The following SP110 variants were observed in gnomAD, a reference collection of about 807,000 sequenced individuals.
SP110 encodes interferon-induced protein 41, 30kD.
Under a neutral mutation model 92.7 loss-of-function variants are expected in SP110, and 62 were observed. The ratio of observed to expected loss-of-function variants is 0.67; its 90% confidence interval spans 0.55 to 0.83. SP110 has a LOEUF of 0.83. SP110 is among the 40% of genes least tolerant of loss of function. SP110 has a pLI of 0.00. For missense variants in SP110, 793 were observed against 863.9 expected (o/e 0.92, Z 1.03); for synonymous variants, 273 against 305.3 (o/e 0.89, Z 1.10).
At chr2:230,203,057 T>A (rs1318498052) in intron 8 of SP110, 1 of 378,708 alleles carries the variant, frequency 2.6e-6, no homozygotes, top group Non-Finnish European at 5.0e-6. Context: ...CAGTCTCGTC[T>A]AGGTGGAGAG....
chr2:230,215,802 A>C (rs542785593), intron 2 of SP110, among the ~76,000 whole-genome samples: 1 of 152,378 alleles, frequency 6.6e-6, no homozygotes, highest in African/African-American at 2.4e-5. Context: ...ATGAGCATTA[A>C]TAAACACAAA....
At position 230,208,073 on chromosome 2, in the gene SP110, A is replaced by T. The variant is rs745989869; in HGVS notation, c.830-14T>A. 3.7e-6 allele frequency: 5 copies of T among 1,355,448 alleles called. No individual in the cohort carries two copies. The highest frequency in any genetic ancestry group is 2.3e-5 in the East Asian group (1 of 43,678). The allele number at this position is 1,355,448 out of a possible 1,614,324, so 84.0% of individuals were successfully genotyped here. A position where few individuals can be genotyped will look rare whatever the true frequency, so the allele number is the denominator to read the frequency against. ...TTCTTTTCTTTCCTAAAAAGAAAGGATAATGTTTTATAGTTACAAACATTG... is the reference window on the plus strand; with the variant it reads ...TTCTTTTCTTTCCTAAAAAGAAAGGTTAATGTTTTATAGTTACAAACATTG... On this transcript the variant is annotated splice_polypyrimidine_tract_variant and intron_variant, in intron 7 of 18. Transcript: ENST00000258381.
In SP110 at chr2:230,177,523, C is replaced by A. The variant is rs769738792; in HGVS notation, c.1590+15G>T. On this transcript the variant is annotated intron_variant, in intron 14 of 18. Coordinates refer to ENST00000258381, the MANE Select transcript of SP110 (RefSeq NM_080424.4). ...GATTTAAACCTGTCACCTATCTGTC[C>A]CGTCATTATAATACCTTCAGCAGCT... 6.2e-7 allele frequency: 1 copy of A among 1,613,556 alleles called. No individual in the cohort carries two copies. The highest frequency in any genetic ancestry group is 8.5e-7 in the Non-Finnish European group (1 of 1,179,500).
chr2:230,166,203 T>C lies in SP110; in HGVS notation c.*2921A>G, dbSNP rs375691666. Reference sequence around the variant, plus strand: ...CACTGCGCCTGGCAGACCACCTATATTACTTTTAACCACAAATGAAATAGA... The same window carrying C: ...CACTGCGCCTGGCAGACCACCTATACTACTTTTAACCACAAATGAAATAGA... On this transcript the variant is annotated 3_prime_UTR_variant, in exon 19 of 19. Coordinates refer to ENST00000258381, the MANE Select transcript of SP110 (RefSeq NM_080424.4). 1.2e-3 allele frequency among the ~76,000 whole-genome samples: 188 copies of C among 152,294 alleles called. 1 individual carries two copies. The highest frequency in any genetic ancestry group is 4.2e-3 in the African/African-American group (174 of 41,552).
Position 230,172,075 on chromosome 2 carries a change from C to T in SP110, c.1806G>A (p.Gln602=), listed in dbSNP as rs2078458744. Residue 602 remains glutamine (Q), a synonymous_variant, in exon 16 of 19, where the codon CAG becomes CAA. Coordinates refer to ENST00000258381, the MANE Select transcript of SP110 (RefSeq NM_080424.4). Reference sequence around the variant, plus strand: ...TTTGCATCCAACTCACCAGCTGGTCCTGAGGCTGCATCTGCCTCTCCAGGG... The same window carrying T: ...TTTGCATCCAACTCACCAGCTGGTCTTGAGGCTGCATCTGCCTCTCCAGGG... ...SKTLERQMQP[Q]DQLKCEFLLL... is the part of the protein sequence containing the mutation. 1 of 1,598,710 alleles carries T rather than the reference C, an allele frequency of 6.3e-7. No individual in the cohort carries two copies. The highest frequency in any genetic ancestry group is 1.3e-5 in the African/African-American group (1 of 74,670).
chr2:230,215,138 G>A lies in SP110; in HGVS notation c.148-20C>T, dbSNP rs1255943497. On this transcript the variant is annotated intron_variant, in intron 2 of 18. Coordinates refer to ENST00000258381, the MANE Select transcript of SP110 (RefSeq NM_080424.4). ...AGATTCCTATAAAAATGGAGTGAAGGTTTTTATAAATGACTATAAAATTGA... is the reference window on the plus strand; with the variant it reads ...AGATTCCTATAAAAATGGAGTGAAGATTTTTATAAATGACTATAAAATTGA... The A allele has an allele frequency of 1.9e-6, 3 of 1,600,850 alleles. No individual in the cohort carries two copies. Among genetic ancestry groups the A allele is most frequent in the Admixed American group, 1.7e-5 (1 of 59,912 alleles).
At chr2:230,223,633 T>C (rs1040442875), upstream of SP110, among the ~76,000 whole-genome samples, 4 of 152,210 alleles carry the variant, frequency 2.6e-5, no homozygotes, top group African/African-American at 9.6e-5. Context: ...CAATCTGGGA[T>C]TGGTTATCTG....
At chr2:230,208,570 C>A (rs933834820) in intron 7 of SP110, among the ~76,000 whole-genome samples, 3 of 152,186 alleles carry the variant, frequency 2.0e-5, no homozygotes, top group Non-Finnish European at 4.4e-5. Flanking sequence ...CATCTGATAT[C>A]TCCTTATGGT....
intron 10 of SP110, 136 bp from the exon 11 acceptor site, chr2:230,186,279 A>T (rs2042355356): frequency 3.8e-6 from 3 of 797,442 alleles, no homozygotes; most frequent in Non-Finnish European, 6.0e-6. Context: ...CCCCAGACTC[A>T]TAATACTTCC....
intron 2 of SP110, 82 bp downstream of exon 2, chr2:230,216,699 T>G: frequency 3.2e-6 from 5 of 1,550,390 alleles, no homozygotes; most frequent in Non-Finnish European, 4.4e-6. Flanking sequence ...CTGGAAGCCC[T>G]GGTGGTTTGT....
In SP110 at chr2:230,211,477, A is replaced by G; in HGVS notation, c.744T>C (p.Ser248=). The change falls in exon 6 of 19, where the codon TCT becomes TCC. Residue 248 remains serine, a synonymous_variant. Coordinates refer to ENST00000258381, the MANE Select transcript of SP110 (RefSeq NM_080424.4). The surrounding 1 kb of genome is among the most constrained non-coding windows in gnomAD (Gnocchi z 4.2). ...TGACCAAACCAAGATTACCTGGCAT[A>G]GAGCCCAAGGGAGAGTGGGGCATCT... ...PQEMPHSPLG[S]MPEIRDNSPE... is the part of the protein sequence containing the mutation. The G allele has an allele frequency of 6.3e-7, 1 of 1,599,038 alleles. No individual in the cohort carries two copies.
intron 1 of SP110, 44 bp downstream of exon 1, chr2:230,219,830 A>G (rs926244579): frequency 2.6e-6 from 2 of 783,616 alleles, no homozygotes; most frequent in African/African-American, 1.9e-5. Context: ...TAAGAGCTGC[A>G]GTCACCAAGA....
chr2:230,170,372 C>A (rs2078403264), intron 18 of SP110, among the ~76,000 whole-genome samples: 1 of 151,826 alleles, frequency 6.6e-6, no homozygotes, highest in African/African-American at 2.4e-5. Context: ...AGCGAGCTGC[C>A]GATCTGGGAA....
At position 230,216,866 on chromosome 2, in the gene SP110, A is replaced by C; in HGVS notation, c.62T>G (p.Leu21Arg). ...CTTGTGTATGGCATAGGCGATCCCC[A>C]GCTTCTGGTGCATGAAGTGCTGAAA... is the stretch of plus-strand genomic sequence containing the variant. The part of the protein sequence containing the change: ...ALFQHFMHQK[L>R]GIAYAIHKPF... Residue 21 changes from leucine (L) to arginine (R), a missense_variant, in exon 2 of 19, where the codon CTG (leucine) becomes CGG (arginine). Physicochemically the swap from Leu to Arg is moderately radical, Grantham distance 102 (BLOSUM62 -2). Transcript: ENST00000258381. 6.2e-7 allele frequency: 1 copy of C among 1,614,096 alleles called. No homozygotes were observed. Among genetic ancestry groups the C allele is most frequent in the Non-Finnish European group, 8.5e-7 (1 of 1,179,980 alleles).
intron 1 of SP110, chr2:230,225,529 C>A (rs1303250361): frequency 2.3e-6 from 1 of 428,208 alleles, no homozygotes; most frequent in Non-Finnish European, 4.4e-6. Flanking sequence ...CATGATGCCA[C>A]CTTACCTCAA....
At chr2:230,169,992 G>A (rs1332834409) in intron 18 of SP110, among the ~76,000 whole-genome samples, 1 of 152,136 alleles carries the variant, frequency 6.6e-6, no homozygotes, top group Non-Finnish European at 1.5e-5. Context: ...AAGAAGGGAA[G>A]GAAGCTGGGT....
chr2:230,216,999 A>ACT, intron 1 of SP110, 71 bp from the exon 2 acceptor site: 1 of 1,389,896 alleles, frequency 7.2e-7, no homozygotes, highest in South Asian at 1.2e-5. Flanking sequence ...TAATCCCGGC[A>ACT]CTTTGGGAGG....
upstream of SP110, among the ~76,000 whole-genome samples, chr2:230,220,447 G>A (rs2045715122): frequency 6.6e-6 from 1 of 152,178 alleles, no homozygotes; most frequent in African/African-American, 2.4e-5. Context: ...GAAATGCCTA[G>A]AACTTGTCAG....
At chr2:230,195,958 G>A (rs2042853549) in intron 10 of SP110, among the ~76,000 whole-genome samples, 1 of 152,066 alleles carries the variant, frequency 6.6e-6, no homozygotes, top group African/African-American at 2.4e-5. Flanking sequence ...AAATGCTCAA[G>A]GAGGAAATGA....
Sources: gnomAD v4.1 joint callset for allele counts (sites outside exome capture counted in the v4.1 genomes callset) on GRCh38, gnomAD v4.1.1 for gene constraint, Gnocchi (gnomAD v3.1) non-coding constraint, MANE v1.5 for transcripts, NCBI Gene and HGNC (gene_info 2026-07-23, HGNC 2026-07-21) for gene names.